Variants in PEBP4 observed in about 807,000 individuals in gnomAD.
PEBP4 encodes phosphatidylethanolamine binding protein 4.
In PEBP4, 22 loss-of-function variants were observed where a neutral mutation model predicts 23.9. The ratio of observed to expected loss-of-function variants is 0.92; its 90% CI spans 0.66 to 1.31. The LOEUF is 1.31. Ranked by LOEUF, PEBP4 falls within the 40% of genes most tolerant of loss-of-function variation. PEBP4 has a pLI of 0.00. For missense variants in PEBP4, 324 were observed against 281.7 expected (o/e 1.15, Z -1.07); for synonymous variants, 112 against 99.3 (o/e 1.13, Z -0.76).
intron 4 of PEBP4, 74 bp from the exon 5 acceptor site, chr8:22,727,294 G>C: frequency 1.4e-6 from 2 of 1,445,418 alleles, no homozygotes; most frequent in Admixed American, 1.8e-5. Context: ...CTGCGGGATT[G>C]CTTCTCTCTC....
chr8:22,871,690 G>T (rs1808010541), intron 3 of PEBP4, among the ~76,000 whole-genome samples: 1 of 151,758 alleles, frequency 6.6e-6, no homozygotes, highest in Non-Finnish European at 1.5e-5. Context: ...GAGTAGCTGG[G>T]ATTACAGGCA....
chr8:22,780,902 A>G (rs1326896885), intron 4 of PEBP4, among the ~76,000 whole-genome samples: 1 of 152,244 alleles, frequency 6.6e-6, no homozygotes, highest in African/African-American at 2.4e-5. Flanking sequence ...TGAACTGCAC[A>G]CAGCCTGTCT....
chr8:22,823,967 T>C (rs1806913836), intron 3 of PEBP4, among the ~76,000 whole-genome samples: 1 of 152,154 alleles, frequency 6.6e-6, no homozygotes, highest in African/African-American at 2.4e-5. Context: ...AAAGTTTTCA[T>C]GTTTATCTCG....
At position 22,900,817 on chromosome 8, in the gene PEBP4, C is replaced by T. The variant is rs112185013; in HGVS notation, c.258+19367G>A. 3.2e-4 allele frequency among the ~76,000 whole-genome samples: 49 copies of T among 152,204 alleles called. 1 individual carries two copies. The highest frequency in any genetic ancestry group is 1.1e-3 in the African/African-American group (47 of 41,536). ...AATACACCAGAAGGCATTTTATATG[C>T]GTCACAGGGCTCACAGGCTAAAACT... On this transcript the variant is annotated intron_variant, in intron 3 of 6. Coordinates refer to ENST00000256404, the MANE Select transcript of PEBP4 (RefSeq NM_144962.3).
At chr8:22,898,424 A>C (rs868198084) in intron 3 of PEBP4, among the ~76,000 whole-genome samples, 5 of 110,962 alleles carry the variant, frequency 4.5e-5, no homozygotes, top group African/African-American at 1.2e-4. Flanking sequence ...AAAAAAAAAA[A>C]AAAAAAACCC....
At chr8:22,788,164 A>G (rs1334801990) in intron 4 of PEBP4, among the ~76,000 whole-genome samples, 1 of 152,062 alleles carries the variant, frequency 6.6e-6, no homozygotes, top group African/African-American at 2.4e-5. Flanking sequence ...GGATGTTGAG[A>G]AGGACTGGCC....
intron 4 of PEBP4, among the ~76,000 whole-genome samples, chr8:22,771,626 G>A (rs149245978): frequency 6.6e-6 from 1 of 152,352 alleles, no homozygotes; most frequent in Non-Finnish European, 1.5e-5. Context: ...TAGAAGGTGA[G>A]ACTTGACTCC....
At position 22,731,615 on chromosome 8, in the gene PEBP4, TTTTATTTA is replaced by T. The variant is rs756455154; in HGVS notation, c.358-4403_358-4396del. ...GGGTGGCACCCATACGCCCTCATTG[TTTTATTTA>T]TTTATTTATTTATTTATTTATCTAT... On this transcript the variant is annotated intron_variant, in intron 4 of 6. Transcript: ENST00000256404. 6.2e-4 allele frequency among the ~76,000 whole-genome samples: 91 copies of T among 147,730 alleles called. No individual in the cohort carries two copies. The South Asian group carries it at 8.8e-3, about 14-fold the overall frequency.
In PEBP4 at chr8:22,786,995, A is replaced by T. The variant is rs114126047; in HGVS notation, c.357+30642T>A. ...ATCACCATTCCTGGCTTATTAAAAA[A>T]TTTTTTTTGTAGAGACAGGGTCTCT... On this transcript the variant is annotated intron_variant, in intron 4 of 6. Transcript: ENST00000256404. Among the ~76,000 whole-genome samples the T allele has an allele frequency of 7.0e-3, 1,057 of 151,654 alleles. 11 individuals carry two copies. Among genetic ancestry groups the T allele is most frequent in the African/African-American group, 0.022 (894 of 41,348 alleles).
intron 4 of PEBP4, among the ~76,000 whole-genome samples, chr8:22,773,545 T>G (rs1271304932): frequency 6.6e-6 from 1 of 152,084 alleles, no homozygotes; most frequent in Non-Finnish European, 1.5e-5. Context: ...TGGGGGCCTT[T>G]TCCTGGGCTG....
chr8:22,883,669 G>A (rs976309669), intron 3 of PEBP4, among the ~76,000 whole-genome samples: 1 of 152,180 alleles, frequency 6.6e-6, no homozygotes, highest in Non-Finnish European at 1.5e-5. Flanking sequence ...GAGTTCCGTG[G>A]ACAGCCTCAC....
intron 2 of PEBP4, chr8:22,924,564 A>G (rs2128781465): frequency 1.5e-6 from 1 of 669,840 alleles, no homozygotes; most frequent in Non-Finnish European, 1.8e-6. Flanking sequence ...TACAACAGGT[A>G]GGGTTGGTGT....
intron 4 of PEBP4, among the ~76,000 whole-genome samples, chr8:22,806,580 A>G (rs899696515): frequency 6.8e-6 from 1 of 146,902 alleles, no homozygotes; most frequent in African/African-American, 2.5e-5. Flanking sequence ...ATGCCACTGC[A>G]CTCCAGCCTG....
intron 3 of PEBP4, among the ~76,000 whole-genome samples, chr8:22,916,643 A>G (rs1809079194): frequency 6.9e-6 from 1 of 145,318 alleles, no homozygotes; most frequent in African/African-American, 2.5e-5. Flanking sequence ...GCTCTCCCAC[A>G]TGTCATTCAT....
At chr8:22,862,049 C>T (rs1181377168) in intron 3 of PEBP4, among the ~76,000 whole-genome samples, 3 of 152,048 alleles carry the variant, frequency 2.0e-5, no homozygotes, top group Non-Finnish European at 2.9e-5. Context: ...CAAAAGCGGC[C>T]GCTTGATCAG....
intron 4 of PEBP4, among the ~76,000 whole-genome samples, chr8:22,797,428 CA>C (rs1486465493): frequency 6.6e-6 from 1 of 151,826 alleles, no homozygotes; most frequent in Non-Finnish European, 1.5e-5. Context: ...AGGAGATGAA[CA>C]GCTTGACTCC....
intron 4 of PEBP4, among the ~76,000 whole-genome samples, chr8:22,801,682 T>G (rs1032176474): frequency 1.3e-5 from 2 of 151,564 alleles, no homozygotes. Flanking sequence ...AAAGCACACG[T>G]AGATGGGCAT....
intron 3 of PEBP4, among the ~76,000 whole-genome samples, chr8:22,819,426 A>C (rs1806811861): frequency 6.6e-6 from 1 of 152,222 alleles, no homozygotes; most frequent in Admixed American, 6.5e-5. Flanking sequence ...TGGAGTAGAA[A>C]GGACTGATAT....
At chr8:22,897,752 A>G (rs1161399714) in intron 3 of PEBP4, 6 of 152,134 alleles carry the variant, frequency 3.9e-5, no homozygotes, top group Admixed American at 3.9e-4. Context: ...TCTTGTACTC[A>G]TCTCCTAAAC....
Sources: allele counts gnomAD v4.1 joint callset (sites outside exome capture counted in the v4.1 genomes callset), GRCh38; gene constraint gnomAD v4.1.1; transcripts MANE v1.5; gene names NCBI Gene and HGNC (gene_info 2026-07-23, HGNC 2026-07-21).